The following CDKAL1 variants were observed in gnomAD, a reference collection of about 807,000 sequenced individuals.
CDKAL1 encodes CDKAL1 threonylcarbamoyladenosine tRNA methylthiotransferase.
In CDKAL1, 32 loss-of-function variants were observed where a neutral mutation model predicts 68.2. The observed-to-expected ratio is 0.47, with a 90% CI of 0.35 to 0.63. CDKAL1 has a LOEUF of 0.63. Ranked by LOEUF, CDKAL1 falls within the 30% of genes least tolerant of loss-of-function variation. The probability of loss-of-function intolerance (pLI) is 0.00; values close to 1 mark genes in which losing one functional copy is unlikely to be tolerated. For synonymous variants in CDKAL1, 234 were observed against 244.3 expected (o/e 0.96, Z 0.39); for missense variants, 606 against 696.7 (o/e 0.87, Z 1.47).
chr6:20,865,005 A>G (rs1201690343), intron 9 of CDKAL1, among the ~76,000 whole-genome samples: 4 of 152,188 alleles, frequency 2.6e-5, no homozygotes, highest in African/African-American at 7.2e-5. Context: ...TGGTCCTTAT[A>G]TAAATAAAAT....
At chr6:20,812,698 G>A (rs1280155736) in intron 8 of CDKAL1, among the ~76,000 whole-genome samples, 4 of 152,054 alleles carry the variant, frequency 2.6e-5, no homozygotes, top group Non-Finnish European at 5.9e-5. Context: ...AGATTCATTT[G>A]TATCATTGTA....
chr6:20,571,220 C>A (rs545246086), intron 4 of CDKAL1, among the ~76,000 whole-genome samples: 1 of 152,180 alleles, frequency 6.6e-6, no homozygotes, highest in Non-Finnish European at 1.5e-5. Flanking sequence ...ACCTTGTGAT[C>A]TTAGTCAAGC....
chr6:20,916,335 T>C (rs1045901579), intron 9 of CDKAL1, among the ~76,000 whole-genome samples: 3 of 152,198 alleles, frequency 2.0e-5, no homozygotes, highest in African/African-American at 7.2e-5. Context: ...AAACTTCCTA[T>C]TTTTGCAACT....
chr6:20,669,633 G>A (rs1275196968), intron 5 of CDKAL1, among the ~76,000 whole-genome samples: 3 of 152,190 alleles, frequency 2.0e-5, no homozygotes, highest in Non-Finnish European at 4.4e-5. Flanking sequence ...GCAGAGTTCA[G>A]CAGTATTAAC....
Position 21,055,793 on chromosome 6 carries a change from C to G in CDKAL1, c.1056-9255C>G, listed in dbSNP as rs948690438. Among the ~76,000 whole-genome samples, 4 of 152,082 alleles carry G rather than the reference C, an allele frequency of 2.6e-5. No homozygotes were observed. The South Asian group carries it at 8.3e-4, about 32-fold the overall frequency. ...TCATTGATGGGCATTTGGGTTGATT[C>G]CATGTCTTTGCTATGGTGAATAGTG... On this transcript the variant is annotated intron_variant, in intron 11 of 15. Coordinates refer to ENST00000274695, the MANE Select transcript of CDKAL1 (RefSeq NM_017774.3).
At chr6:20,992,784 C>A (rs1197644743) in intron 10 of CDKAL1, among the ~76,000 whole-genome samples, 1 of 151,894 alleles carries the variant, frequency 6.6e-6, no homozygotes, top group Non-Finnish European at 1.5e-5. Context: ...TGCTTGTCAT[C>A]CCATCTACTC....
In CDKAL1 at chr6:21,077,134, C is replaced by CTACA. The variant is rs1554171053; in HGVS notation, c.1236+11908_1236+11909insCATA. 1.1e-4 allele frequency among the ~76,000 whole-genome samples: 13 copies of CTACA among 120,236 alleles called. No individual in the cohort carries two copies. In the Admixed American group the frequency reaches 1.1e-3, roughly 10 times the overall value. 78.9% of individuals were successfully genotyped at this position (120,236 alleles called of 152,430 possible). ...GACAATTTTAAGGCCACTTTTCAACCTATATATATAGAAAGATTTAGGTGC... is the reference window on the plus strand; with the variant it reads ...GACAATTTTAAGGCCACTTTTCAACCTACATATATATATAGAAAGATTTAGGTGC... On this transcript the variant is annotated intron_variant, in intron 12 of 15. Transcript: ENST00000274695.
chr6:21,132,348 A>G (rs1246434197), intron 13 of CDKAL1, among the ~76,000 whole-genome samples: 1 of 152,182 alleles, frequency 6.6e-6, no homozygotes, highest in African/African-American at 2.4e-5. Context: ...ACAGTGTGGA[A>G]AACACTCATT....
Position 20,846,109 on chromosome 6 carries a change from C to T in CDKAL1, c.673C>T (p.His225Tyr), listed in dbSNP as rs1778366036. The T allele has an allele frequency of 6.2e-7, 1 of 1,613,062 alleles. No individual in the cohort carries two copies. Among genetic ancestry groups the T allele is most frequent in the Non-Finnish European group, 8.5e-7 (1 of 1,179,400 alleles). The change falls in exon 9 of 16, where the codon CAC becomes TAC. Residue 225 changes from histidine to tyrosine, a missense_variant. Coordinates refer to ENST00000274695, the MANE Select transcript of CDKAL1 (RefSeq NM_017774.3). ...LNACTYCKTKHARGNLASYPI... is the reference protein window; with the variant it reads ...LNACTYCKTKYARGNLASYPI... Reference sequence around the variant, plus strand: ...TGCTTGTACCTACTGCAAAACTAAACACGCCAGAGGAAATTTGGCCAGTTA... The same window carrying T: ...TGCTTGTACCTACTGCAAAACTAAATACGCCAGAGGAAATTTGGCCAGTTA...
intron 10 of CDKAL1, among the ~76,000 whole-genome samples, chr6:20,964,833 C>T (rs1256898717): frequency 6.6e-6 from 1 of 152,114 alleles, no homozygotes; most frequent in Admixed American, 6.5e-5. Context: ...ACTTCTCAAC[C>T]ACTGTCATCA....
chr6:20,778,018 T>C (rs889229448), intron 7 of CDKAL1, among the ~76,000 whole-genome samples: 1 of 152,174 alleles, frequency 6.6e-6, no homozygotes, highest in Non-Finnish European at 1.5e-5. Flanking sequence ...TATAACTGTA[T>C]ATGTTAATAT....
At chr6:20,616,809 C>CCTG (rs1766925664) in intron 4 of CDKAL1, among the ~76,000 whole-genome samples, 1 of 148,884 alleles carries the variant, frequency 6.7e-6, no homozygotes, top group Non-Finnish European at 1.5e-5. Flanking sequence ...TCGAGACCAG[C>CCTG]CTGGACAGCA....
intron 11 of CDKAL1, among the ~76,000 whole-genome samples, chr6:21,022,639 G>A (rs568889051): frequency 1.3e-5 from 2 of 152,200 alleles, no homozygotes; most frequent in South Asian, 4.2e-4. Flanking sequence ...TTCTGGTCAC[G>A]GTCTCCCTCC....
At chr6:20,669,693 G>A (rs1482718686) in intron 5 of CDKAL1, among the ~76,000 whole-genome samples, 1 of 152,094 alleles carries the variant, frequency 6.6e-6, no homozygotes, top group African/African-American at 2.4e-5. Context: ...ATATGCTTCT[G>A]TTTTGAGCAC....
chr6:20,858,193 C>T (rs968375636), intron 9 of CDKAL1, among the ~76,000 whole-genome samples: 6 of 152,156 alleles, frequency 3.9e-5, no homozygotes, highest in Non-Finnish European at 7.3e-5. Context: ...GATTTCCAGG[C>T]TCTACCTCAA....
intron 8 of CDKAL1, among the ~76,000 whole-genome samples, chr6:20,827,597 G>A (rs9348447): frequency 0.65 from 98,389 of 151,946 alleles, 32,219 homozygotes; most frequent in African/African-American, 0.69. Context: ...ACAAAGTGAT[G>A]TTTTAGACAT....
Position 20,942,366 on chromosome 6 carries a change from C to CT in CDKAL1, c.743-13035dup, listed in dbSNP as rs70990083. On this transcript the variant is annotated intron_variant, in intron 9 of 15. Transcript: ENST00000274695. Reference sequence around the variant, plus strand: ...TTTTTGCTTTAAATGTATATATATACTTTTTTTTTTTTTTTTTTGAGATGG... The same window carrying CT: ...TTTTTGCTTTAAATGTATATATATACTTTTTTTTTTTTTTTTTTTGAGATGG... 4.2e-3 allele frequency among the ~76,000 whole-genome samples: 525 copies of CT among 124,838 alleles called. 9 individuals are homozygous for CT. Among genetic ancestry groups the CT allele is most frequent in the African/African-American group, 0.014 (465 of 33,122 alleles). 81.9% of individuals were successfully genotyped at this position (124,838 alleles called of 152,430 possible).
chr6:20,634,770 G>C (rs1022513625), intron 4 of CDKAL1, among the ~76,000 whole-genome samples: 25 of 152,116 alleles, frequency 1.6e-4, no homozygotes, highest in African/African-American at 5.8e-4. Context: ...CTGAGGTCAG[G>C]AGTTTGAGAC....
chr6:20,985,560 G>A (rs1416625177), intron 10 of CDKAL1, among the ~76,000 whole-genome samples: 1 of 152,194 alleles, frequency 6.6e-6, no homozygotes, highest in Non-Finnish European at 1.5e-5. Context: ...CTCCCAAAAT[G>A]CTGTGATTAT....
Sources: gnomAD v4.1 joint callset for allele counts (sites outside exome capture counted in the v4.1 genomes callset) on GRCh38, gnomAD v4.1.1 for gene constraint, MANE v1.5 for transcripts, NCBI Gene and HGNC (gene_info 2026-07-23, HGNC 2026-07-21) for gene names.